Variants in LRP1B observed in about 807,000 individuals in gnomAD.
LRP1B encodes the protein low-density lipoprotein receptor-related protein 1B.
LRP1B carries 217 observed loss-of-function variants against 556.6 expected under a neutral mutation model. That is an observed-to-expected ratio of 0.39 (90% CI 0.35 to 0.44). The LOEUF (loss-of-function observed/expected upper bound fraction) is 0.44, where lower values mean the gene tolerates loss of function less well. LRP1B is among the 20% of genes least tolerant of loss of function. LRP1B has a pLI of 1.00. For synonymous variants in LRP1B, 2,047 were observed against 1,865.8 expected (o/e 1.10, Z -2.50); for missense variants, 5,053 against 5,620.8 (o/e 0.90, Z 3.23).
intron 2 of LRP1B, among the ~76,000 whole-genome samples, chr2:141,642,917 G>T (rs1362800629): frequency 6.6e-6 from 1 of 152,064 alleles, no homozygotes; most frequent in African/African-American, 2.4e-5. Context: ...AATAAATCAT[G>T]CAGTGAAAGC....
chr2:141,477,738 C>T (rs753319063), intron 3 of LRP1B, among the ~76,000 whole-genome samples: 5 of 151,940 alleles, frequency 3.3e-5, no homozygotes, highest in Non-Finnish European at 7.4e-5. Flanking sequence ...CTTGTTCTTA[C>T]GATGCTATGT....
At chr2:140,644,298 G>A (rs1011231366) in intron 41 of LRP1B, among the ~76,000 whole-genome samples, 2 of 152,014 alleles carry the variant, frequency 1.3e-5, no homozygotes, top group African/African-American at 4.8e-5. Flanking sequence ...ATATTGGACA[G>A]ATACAAGAGT....
intron 1 of LRP1B, among the ~76,000 whole-genome samples, chr2:141,990,202 T>C (rs1177476482): frequency 6.6e-6 from 1 of 152,054 alleles, no homozygotes; most frequent in African/African-American, 2.4e-5. Context: ...CCAGCTACAT[T>C]TCAGCAATTA....
chr2:141,796,578 CTTT>C (rs75317117), intron 2 of LRP1B, among the ~76,000 whole-genome samples: 47 of 127,538 alleles, frequency 3.7e-4, no homozygotes, highest in East Asian at 1.4e-3. Flanking sequence ...GCATTTTATT[CTTT>C]TTTTTTTTTT....
intron 88 of LRP1B, 48 bp downstream of exon 88, chr2:140,239,394 G>T: frequency 8.5e-7 from 1 of 1,174,640 alleles, no homozygotes; most frequent in Non-Finnish European, 1.2e-6. Context: ...TCTGCACCTA[G>T]TTGTGTGATT....
intron 23 of LRP1B, chr2:140,898,792 C>A: frequency 1.8e-6 from 1 of 550,820 alleles, no homozygotes; most frequent in Non-Finnish European, 3.5e-6. Flanking sequence ...GGAGCGCTAT[C>A]ACCCAACTTT....
chr2:140,588,574 C>T (rs775142202), intron 43 of LRP1B, among the ~76,000 whole-genome samples: 5 of 152,134 alleles, frequency 3.3e-5, no homozygotes, highest in Non-Finnish European at 7.4e-5. Context: ...GAGTGGCAAA[C>T]TCATTAAATA....
intron 20 of LRP1B, among the ~76,000 whole-genome samples, chr2:140,928,454 G>C (rs909762542): frequency 3.9e-5 from 6 of 152,246 alleles, no homozygotes; most frequent in Admixed American, 2.0e-4. Context: ...CCAAGCTGAT[G>C]AATAAGAGAC....
intron 1 of LRP1B, among the ~76,000 whole-genome samples, chr2:142,078,183 C>T (rs894780387): frequency 9.9e-5 from 15 of 152,100 alleles, no homozygotes; most frequent in African/African-American, 3.6e-4. Context: ...GGGCTCTCTA[C>T]AAACTGATTG....
intron 43 of LRP1B, among the ~76,000 whole-genome samples, chr2:140,583,171 C>CTTTTCTTTTT (rs1553491151): frequency 0.015 from 710 of 47,874 alleles, 13 homozygotes; most frequent in African/African-American, 0.042. Flanking sequence ...CCTTTTTTTT[C>CTTTTCTTTTT]TTTTTTTTTT....
Position 140,503,112 on chromosome 2 carries a change from G to T in LRP1B, c.8522-9C>A, listed in dbSNP as rs201779876. 8 of 1,611,192 alleles carry T rather than the reference G, an allele frequency of 5.0e-6. No individual in the cohort carries two copies. The Admixed American group carries it at 5.0e-5, about 10-fold the overall frequency. ...ACCACACTGTCGATATCCTAGAGAC[G>T]CAGAAAAAACATTTGACTAATTCAC... On this transcript the variant is annotated splice_polypyrimidine_tract_variant and intron_variant, in intron 53 of 90. Coordinates refer to ENST00000389484, the MANE Select transcript of LRP1B (RefSeq NM_018557.3).
chr2:141,486,567 C>T lies in LRP1B; in HGVS notation c.206-6034G>A, dbSNP rs74500810. Among the ~76,000 whole-genome samples the T allele has an allele frequency of 2.0e-5, 3 of 151,994 alleles. No homozygotes were observed. In the South Asian group the frequency reaches 6.2e-4, roughly 31 times the overall value. ...TTGTCACAACATCGTCATATCTTAG[C>T]GGAAACAGCATGACTTCTCCTTCCC... On this transcript the variant is annotated intron_variant, in intron 2 of 90. Transcript: ENST00000389484.
At chr2:141,318,030 C>T (rs563358620) in intron 3 of LRP1B, among the ~76,000 whole-genome samples, 7 of 151,974 alleles carry the variant, frequency 4.6e-5, no homozygotes, top group African/African-American at 1.7e-4. Flanking sequence ...CAAAACAAAA[C>T]AAAACAACAA....
intron 2 of LRP1B, among the ~76,000 whole-genome samples, chr2:141,794,374 T>C (rs1695732033): frequency 1.3e-5 from 2 of 151,916 alleles, no homozygotes; most frequent in Non-Finnish European, 2.9e-5. Flanking sequence ...CAAATCACCT[T>C]ATTACAAATC....
chr2:141,387,792 C>CTA (rs1689885555), intron 3 of LRP1B, among the ~76,000 whole-genome samples: 1 of 152,120 alleles, frequency 6.6e-6, no homozygotes, highest in Non-Finnish European at 1.5e-5. Flanking sequence ...GAGGAAGGAA[C>CTA]ATTATCTAAT....
chr2:141,434,917 C>G (rs546482276), intron 3 of LRP1B, among the ~76,000 whole-genome samples: 1 of 152,186 alleles, frequency 6.6e-6, no homozygotes, highest in Admixed American at 6.5e-5. Flanking sequence ...TGGGCCAGCA[C>G]AAACCACTTA....
chr2:141,455,126 G>T (rs556014819), intron 3 of LRP1B, among the ~76,000 whole-genome samples: 107 of 152,072 alleles, frequency 7.0e-4, no homozygotes, highest in African/African-American at 2.5e-3. Flanking sequence ...TATTTTAGGG[G>T]AGAAAATGCC....
chr2:141,789,796 T>C (rs958034499), intron 2 of LRP1B, among the ~76,000 whole-genome samples: 1 of 151,970 alleles, frequency 6.6e-6, no homozygotes, highest in Admixed American at 6.6e-5. Context: ...GGTGGTCTAA[T>C]AATTTTCTAA....
rs576832075 is a variant in LRP1B, at chr2:142,007,673, TTTAA to T, written c.82+122971_82+122974del. 3.3e-5 allele frequency among the ~76,000 whole-genome samples: 5 copies of T among 152,340 alleles called. No individual in the cohort carries two copies. The South Asian group carries it at 1.0e-3, about 32-fold the overall frequency. Reference sequence around the variant, plus strand: ...AGGGACAGATCAAGATAAAATTGTCTTTAATTAACTGCTACCCTTTCTTTTCCTA... The same window carrying T: ...AGGGACAGATCAAGATAAAATTGTCTTTAACTGCTACCCTTTCTTTTCCTA... On this transcript the variant is annotated intron_variant, in intron 1 of 90. Coordinates refer to ENST00000389484, the MANE Select transcript of LRP1B (RefSeq NM_018557.3).
Sources: allele counts gnomAD v4.1 joint callset (sites outside exome capture counted in the v4.1 genomes callset), GRCh38; gene constraint gnomAD v4.1.1; transcripts MANE v1.5; gene names NCBI Gene and HGNC (gene_info 2026-07-23, HGNC 2026-07-21).